RARB: variants seen among roughly 807,000 people sequenced by gnomAD.
RARB encodes retinoic acid receptor beta.
In RARB, 17 loss-of-function variants were observed where a neutral mutation model predicts 51.9. That is an observed-to-expected ratio of 0.33 (90% confidence interval 0.22 to 0.49). The LOEUF (loss-of-function observed/expected upper bound fraction) is 0.49, where lower values mean the gene tolerates loss of function less well. RARB is among the 20% of genes least tolerant of loss of function. The pLI, the probability that RARB is intolerant of heterozygous loss-of-function variation, is 0.99. For missense variants in RARB, 369 were observed against 550.8 expected, an observed-to-expected ratio of 0.67 and a Z score of 3.30; for synonymous variants, 215 against 195.4, an observed-to-expected ratio of 1.10 and a Z score of -0.84.
Position 25,065,467 on chromosome 3 carries a change from G to A in RARB, c.-328+5291G>A, listed in dbSNP as rs557967061. ...AAGTCTACAAGCAGCACTGACTATA[G>A]TTCTGATAGTGTTATACTGATTCAA... On this transcript the variant is annotated intron_variant, in intron 3 of 11. Coordinates refer to the RARB transcript ENST00000383772. Among the ~76,000 whole-genome samples the A allele has an allele frequency of 2.6e-5, 4 of 152,238 alleles. No homozygotes were observed. The South Asian group carries it at 8.3e-4, about 32-fold the overall frequency.
At chr3:25,168,243 T>C (rs1700590617) in intron 4 of RARB, among the ~76,000 whole-genome samples, 1 of 152,106 alleles carries the variant, frequency 6.6e-6, no homozygotes, top group African/African-American at 2.4e-5. Flanking sequence ...TTTTTTGAGA[T>C]GGAGTGTTGC....
chr3:25,288,768 C>CT (rs11457654), intron 5 of RARB, among the ~76,000 whole-genome samples: 59,148 of 151,392 alleles, frequency 0.39, 12,826 homozygotes, highest in African/African-American at 0.57. Flanking sequence ...CTCTTCTGTT[C>CT]TTTTTTTTTC....
At chr3:25,241,012 G>T (rs1284992971) in intron 5 of RARB, among the ~76,000 whole-genome samples, 1 of 152,092 alleles carries the variant, frequency 6.6e-6, no homozygotes, top group African/African-American at 2.4e-5. Flanking sequence ...ATTACTTCTT[G>T]TTGGTCTGTT....
chr3:25,374,815 C>T (rs1298943563), intron 5 of RARB, among the ~76,000 whole-genome samples: 2 of 152,134 alleles, frequency 1.3e-5, no homozygotes, highest in Non-Finnish European at 2.9e-5. Context: ...TTCTTCAGGG[C>T]TAATGATTTT....
At chr3:25,292,874 G>T (rs1703823180) in intron 5 of RARB, among the ~76,000 whole-genome samples, 1 of 152,158 alleles carries the variant, frequency 6.6e-6, no homozygotes, top group Non-Finnish European at 1.5e-5. Context: ...AATAGCTTTT[G>T]CCTTAGTGTC....
intron 2 of RARB, among the ~76,000 whole-genome samples, chr3:24,899,592 C>T (rs1703554476): frequency 6.6e-6 from 1 of 152,128 alleles, no homozygotes. Context: ...TGTCGGCCAA[C>T]AGCTGTGGCC....
chr3:25,228,179 T>G (rs1702096515), intron 5 of RARB, among the ~76,000 whole-genome samples: 1 of 151,472 alleles, frequency 6.6e-6, no homozygotes. Flanking sequence ...AGAACTTCCT[T>G]TTTCATTGGA....
At chr3:24,903,209 G>T (rs1410338288) in intron 2 of RARB, among the ~76,000 whole-genome samples, 1 of 151,836 alleles carries the variant, frequency 6.6e-6, no homozygotes, top group African/African-American at 2.4e-5. Context: ...CTTACAATAG[G>T]ACAGCATTTT....
chr3:25,123,011 T>G (rs1364503851), intron 3 of RARB, among the ~76,000 whole-genome samples: 1 of 152,018 alleles, frequency 6.6e-6, no homozygotes, highest in African/African-American at 2.4e-5. Flanking sequence ...AGGAATGGTA[T>G]AACTTCATTA....
intron 3 of RARB, among the ~76,000 whole-genome samples, chr3:25,546,627 G>GA (rs574646925): frequency 2.4e-4 from 36 of 149,874 alleles, no homozygotes; most frequent in Non-Finnish European, 4.3e-4. Context: ...CTTTTGAATG[G>GA]AAAAAAAAAG....
rs150507691 is a variant in RARB, at chr3:25,031,078, G to A, written c.-379-29047G>A. On this transcript the variant is annotated intron_variant, in intron 2 of 11. Coordinates refer to the RARB transcript ENST00000383772. The stretch of plus-strand genomic sequence containing the variant: ...GGGCATGATATGTTTTGTTGCGAAG[G>A]GTTGTCCCGTGCATTGTAGGATGTT... Among the ~76,000 whole-genome samples the A allele has an allele frequency of 3.2e-3, 492 of 152,188 alleles. 3 individuals are homozygous for A. Among genetic ancestry groups the A allele is most frequent in the Admixed American group, 6.0e-3 (91 of 15,280 alleles).
chr3:25,243,206 G>C (rs1361157269), intron 5 of RARB, among the ~76,000 whole-genome samples: 1 of 152,266 alleles, frequency 6.6e-6, no homozygotes, highest in African/African-American at 2.4e-5. Flanking sequence ...AGGAGTTCTT[G>C]GGCTGAGATC....
At chr3:25,382,936 C>G (rs1028280781) in intron 5 of RARB, among the ~76,000 whole-genome samples, 2 of 152,136 alleles carry the variant, frequency 1.3e-5, no homozygotes, top group Non-Finnish European at 2.9e-5. Context: ...AACAGTAGAT[C>G]GTGGGTCATA....
exon 5 of RARB, chr3:25,174,439 C>G: frequency 4.4e-6 from 6 of 1,352,138 alleles, no homozygotes; most frequent in Non-Finnish European, 5.9e-6. Context: ...CAGCAGTGAA[C>G]GGACACATGA....
intron 4 of RARB, among the ~76,000 whole-genome samples, chr3:25,132,771 A>G (rs1575175247): frequency 6.6e-6 from 1 of 151,978 alleles, no homozygotes; most frequent in South Asian, 2.1e-4. Context: ...TGATAAATGC[A>G]TTAATTAGCC....
At chr3:25,100,125 C>T (rs1699372242) in intron 3 of RARB, among the ~76,000 whole-genome samples, 1 of 152,116 alleles carries the variant, frequency 6.6e-6, no homozygotes, top group South Asian at 2.1e-4. Flanking sequence ...TTGTCATATC[C>T]CTCCAAAGTG....
chr3:24,958,555 T>G lies in RARB; in HGVS notation c.-380+99803T>G, dbSNP rs553627661. 5.9e-5 allele frequency among the ~76,000 whole-genome samples: 9 copies of G among 152,256 alleles called. No individual in the cohort carries two copies. The South Asian group carries it at 1.7e-3, about 28-fold the overall frequency. ...CCCTTTTTCCTTTTCATTCACTGTT[T>G]AGGAATTTATCTGTGCTTTCTTTCA... On this transcript the variant is annotated intron_variant, in intron 2 of 11. Transcript: ENST00000383772.
At chr3:25,489,026 T>G (rs1299929119) in intron 2 of RARB, among the ~76,000 whole-genome samples, 1 of 152,206 alleles carries the variant, frequency 6.6e-6, no homozygotes, top group East Asian at 1.9e-4. Flanking sequence ...ATTAATTGTG[T>G]GTGTTCTGTT....
chr3:24,862,422 C>T (rs1319984), intron 2 of RARB, among the ~76,000 whole-genome samples: 106,063 of 152,080 alleles, frequency 0.7, 37,677 homozygotes, highest in East Asian at 0.97. Context: ...ATGTTTTTGC[C>T]TTCCACAGTT....
Sources: allele counts gnomAD v4.1 joint callset (sites outside exome capture counted in the v4.1 genomes callset), GRCh38; gene constraint gnomAD v4.1.1; transcripts MANE v1.5; gene names NCBI Gene and HGNC (gene_info 2026-07-23, HGNC 2026-07-21).